The following PCDHGA1 variants were observed in gnomAD, a reference collection of about 807,000 sequenced individuals.
PCDHGA1 encodes the protein protocadherin gamma subfamily A, 1, also known as protocadherin gamma-A1.
Under a neutral mutation model 58.0 loss-of-function variants are expected in PCDHGA1, and 32 were observed. That is an observed-to-expected ratio of 0.55 (90% CI 0.42 to 0.74). The LOEUF is 0.74. Ranked by LOEUF, PCDHGA1 falls within the 30% of genes least tolerant of loss-of-function variation. The pLI is 0.00. For missense variants in PCDHGA1, 1,205 were observed against 1,182.3 expected (o/e 1.02, Z -0.28); for synonymous variants, 498 against 501.1 (o/e 0.99, Z 0.08).
intron 1 of PCDHGA1, chr5:141,422,768 T>C: frequency 6.2e-7 from 1 of 1,613,824 alleles, no homozygotes. Context: ...AACACTGGTG[T>C]TCTCTATGCC....
chr5:141,389,147 G>A (rs530113846), intron 1 of PCDHGA1: 2 of 1,613,986 alleles, frequency 1.2e-6, no homozygotes, highest in South Asian at 1.1e-5. Flanking sequence ...TAACCGTTAC[G>A]GCAACAGATC....
chr5:141,384,995 C>T (rs1485778293), intron 1 of PCDHGA1: 2 of 1,614,034 alleles, frequency 1.2e-6, no homozygotes, highest in African/African-American at 1.3e-5. Context: ...GCGGTGGCCA[C>T]AGTCTCCTGC....
At chr5:141,346,330 G>A in intron 1 of PCDHGA1, 2 of 1,614,238 alleles carry the variant, frequency 1.2e-6, no homozygotes, top group Non-Finnish European at 1.7e-6. Flanking sequence ...TCGCGGAAGA[G>A]CCACCTGATT....
intron 1 of PCDHGA1, chr5:141,374,947 C>T (rs768274787): frequency 6.2e-7 from 1 of 1,614,018 alleles, no homozygotes; most frequent in East Asian, 2.2e-5. Context: ...CAGAAAAGAT[C>T]TCACAAATTT....
intron 1 of PCDHGA1, chr5:141,372,413 T>C (rs1768752463): frequency 6.2e-7 from 1 of 1,614,052 alleles, no homozygotes; most frequent in Non-Finnish European, 8.5e-7. Flanking sequence ...AGATACAACC[T>C]GACCTTAGCG....
chr5:141,414,909 C>T (rs1230113440), intron 1 of PCDHGA1: 10 of 1,614,102 alleles, frequency 6.2e-6, no homozygotes, highest in Admixed American at 1.7e-5. Context: ...GTTCCACAGG[C>T]GTGGAGCTGG....
chr5:141,361,118 C>T, intron 1 of PCDHGA1: 2 of 1,614,006 alleles, frequency 1.2e-6, no homozygotes, highest in Non-Finnish European at 8.5e-7. Flanking sequence ...GGAGATCTAG[C>T]AGCCCACTGC....
intron 1 of PCDHGA1, among the ~76,000 whole-genome samples, chr5:141,452,165 C>G (rs917431071): frequency 2.6e-5 from 4 of 152,120 alleles, no homozygotes; most frequent in African/African-American, 9.7e-5. Flanking sequence ...TATTCTATTA[C>G]TAACATTTTT....
chr5:141,475,955 C>A, intron 1 of PCDHGA1: 1 of 800,218 alleles, frequency 1.2e-6, no homozygotes, highest in Non-Finnish European at 1.9e-6. Flanking sequence ...TTCTGCGCCC[C>A]GGGATGAGGC....
chr5:141,389,137 T>C, intron 1 of PCDHGA1: 1 of 1,614,020 alleles, frequency 6.2e-7, no homozygotes. Flanking sequence ...GAGTACAATA[T>C]AACCGTTACG....
intron 1 of PCDHGA1, chr5:141,341,673 A>C: frequency 1.6e-6 from 1 of 607,984 alleles, no homozygotes; most frequent in Non-Finnish European, 2.7e-6. Context: ...CTGGTTTCTT[A>C]TACTTTCTTC....
At chr5:141,356,976 G>C in intron 1 of PCDHGA1, 3 of 1,614,248 alleles carry the variant, frequency 1.9e-6, no homozygotes, top group Non-Finnish European at 2.5e-6. Context: ...CCAAAGTGGT[G>C]GCAGTGGACA....
chr5:141,421,864 C>T (rs1561797174), intron 1 of PCDHGA1: 2 of 1,613,766 alleles, frequency 1.2e-6, no homozygotes, highest in Non-Finnish European at 1.7e-6. Context: ...CCTGCTCCTC[C>T]TCACAGCTTT....
intron 1 of PCDHGA1, among the ~76,000 whole-genome samples, chr5:141,475,532 T>C (rs1011968434): frequency 6.6e-6 from 1 of 152,228 alleles, no homozygotes; most frequent in East Asian, 1.9e-4. Context: ...AAATGCCTCC[T>C]TACAAGTAGG....
In PCDHGA1 at chr5:141,351,684, C is replaced by T. The variant is rs939154517; in HGVS notation, c.2421+18579C>T. 2.3e-5 allele frequency: 37 copies of T among 1,613,986 alleles called. No homozygotes were observed. Among genetic ancestry groups the T allele is most frequent in the Non-Finnish European group, 3.1e-5 (36 of 1,179,910 alleles). ...ATTGCACAAGTAAGCGCCTCCGACC[C>T]GGATTTGGGACCCAACGGCAGAGTC... On this transcript the variant is annotated intron_variant, in intron 1 of 3. Transcript: ENST00000517417.
intron 1 of PCDHGA1, chr5:141,478,684 T>C: frequency 6.4e-7 from 1 of 1,551,340 alleles, no homozygotes; most frequent in Non-Finnish European, 8.7e-7. Flanking sequence ...TGGCCCTTCC[T>C]AGATCAAAGT....
In PCDHGA1 at chr5:141,452,847, T is replaced by G. The variant is rs575815407; in HGVS notation, c.2422-41960T>G. Among the ~76,000 whole-genome samples, 42 of 152,304 alleles carry G rather than the reference T, an allele frequency of 2.8e-4. 1 individual carries two copies. Among genetic ancestry groups the G allele is most frequent in the Admixed American group, 2.5e-3 (38 of 15,302 alleles). ...AAATCACTTGGTCCAGCCCACACTC[T>G]GGGGAGATGATTTTCTAACTCCATT... On this transcript the variant is annotated intron_variant, in intron 1 of 3. Coordinates refer to ENST00000517417, the MANE Select transcript of PCDHGA1 (RefSeq NM_018912.3).
intron 1 of PCDHGA1, among the ~76,000 whole-genome samples, chr5:141,492,574 G>T (rs2099742096): frequency 6.6e-6 from 1 of 152,232 alleles, no homozygotes; most frequent in Non-Finnish European, 1.5e-5. Flanking sequence ...TGAGCGAGGC[G>T]CGGGGCCAGG....
At chr5:141,419,849 T>C in intron 1 of PCDHGA1, 1 of 1,614,040 alleles carries the variant, frequency 6.2e-7, no homozygotes, top group East Asian at 2.2e-5. Context: ...GCACCTGGTG[T>C]TCGCAGATAG....
Sources: allele counts gnomAD v4.1 joint callset (sites outside exome capture counted in the v4.1 genomes callset), GRCh38; gene constraint gnomAD v4.1.1; transcripts MANE v1.5; gene names NCBI Gene and HGNC (gene_info 2026-07-23, HGNC 2026-07-21).